Variants in NARF observed in about 807,000 individuals in gnomAD.
NARF encodes the protein iron-only hydrogenase-like protein 2.
A neutral mutation model predicts 48.0 loss-of-function variants in NARF; 41 were observed. That is an observed-to-expected ratio of 0.85 (90% confidence interval 0.66 to 1.11). The LOEUF (loss-of-function observed/expected upper bound fraction) is 1.11. Ranked by LOEUF, NARF falls within the 50% of genes least tolerant of loss-of-function variation. NARF has a pLI of 0.00. For synonymous variants in NARF, 215 were observed against 225.5 expected, an observed-to-expected ratio of 0.95 and a Z score of 0.42; for missense variants, 613 against 590.2, an observed-to-expected ratio of 1.04 and a Z score of -0.40.
intron 3 of NARF, chr17:82,468,494 C>T (rs922066364): frequency 5.1e-6 from 2 of 395,622 alleles, no homozygotes; most frequent in Admixed American, 4.3e-5. Context: ...TCCTGTGTAG[C>T]TGGAACTGTA....
In NARF at chr17:82,488,781, G is replaced by C. The variant is rs1347168753; in HGVS notation, c.*624G>C. 6.5e-6 allele frequency: 1 copy of C among 152,798 alleles called. No individual in the cohort carries two copies. The highest frequency in any genetic ancestry group is 2.4e-5 in the African/African-American group (1 of 41,414). 9.5% of individuals were successfully genotyped at this position (152,798 alleles called of 1,614,324 possible). ...AATGGAGACAGACTACTGTATTTTA[G>C]GTTTAAAAAGAAAAATCCAGAAAGT... On this transcript the variant is annotated 3_prime_UTR_variant, in exon 11 of 11. Coordinates refer to ENST00000309794, the MANE Select transcript of NARF (RefSeq NM_012336.4).
In NARF at chr17:82,472,715, C is replaced by A; in HGVS notation, c.520+17C>A. 1 of 1,605,284 alleles carries A rather than the reference C, an allele frequency of 6.2e-7. No homozygotes were observed. Among genetic ancestry groups the A allele is most frequent in the Non-Finnish European group, 8.5e-7 (1 of 1,177,022 alleles). ...CCTGTCCTGGTGAGCCCCTGGACCCCCGCTCTGTTGGCCTGAGGTGCCAAA... is the reference window on the plus strand; with the variant it reads ...CCTGTCCTGGTGAGCCCCTGGACCCACGCTCTGTTGGCCTGAGGTGCCAAA... On this transcript the variant is annotated intron_variant, in intron 5 of 10. Transcript: ENST00000309794.
rs1164079598 is a variant in NARF, at chr17:82,489,648, T to C, written c.*1491T>C. Reference sequence around the variant, plus strand: ...CATCCACTCGCCATGAAGCCCTCTGTGCTCAGGGTGATGGAGCCCCCTCCA... The same window carrying C: ...CATCCACTCGCCATGAAGCCCTCTGCGCTCAGGGTGATGGAGCCCCCTCCA... On this transcript the variant is annotated 3_prime_UTR_variant, in exon 11 of 11. Coordinates refer to ENST00000309794, the MANE Select transcript of NARF (RefSeq NM_012336.4). 6.6e-6 allele frequency: 1 copy of C among 152,274 alleles called. No individual in the cohort carries two copies. Among genetic ancestry groups the C allele is most frequent in the Non-Finnish European group, 1.5e-5 (1 of 68,098 alleles). 9.4% of individuals were successfully genotyped at this position (152,274 alleles called of 1,614,324 possible). A position where few individuals can be genotyped will look rare whatever the true frequency, so the allele number is the denominator to read the frequency against.
Position 82,461,962 on chromosome 17 carries a change from C to A in NARF, c.108+1890C>A, listed in dbSNP as rs958027133. 7.9e-5 allele frequency among the ~76,000 whole-genome samples: 12 copies of A among 152,234 alleles called. No individual in the cohort carries two copies. In the East Asian group the frequency reaches 1.7e-3, roughly 22 times the overall value. On this transcript the variant is annotated intron_variant, in intron 2 of 10. Transcript: ENST00000309794. ...AGAAGAGAGGTAGGGTGCATTGGAGCCCTGGAGGCAGCTGGGGCCAGTGCG... is the reference window on the plus strand; with the variant it reads ...AGAAGAGAGGTAGGGTGCATTGGAGACCTGGAGGCAGCTGGGGCCAGTGCG...
At position 82,458,760 on chromosome 17, in the gene NARF, T is replaced by G. The variant is rs765281993; in HGVS notation, c.-44T>G. 1 of 1,476,478 alleles carries G rather than the reference T, an allele frequency of 6.8e-7. No homozygotes were observed. Among genetic ancestry groups the G allele is most frequent in the Non-Finnish European group, 8.9e-7 (1 of 1,119,348 alleles). 91.5% of individuals were successfully genotyped at this position (1,476,478 alleles called of 1,614,324 possible). A position where few individuals can be genotyped will look rare whatever the true frequency, so the allele number is the denominator to read the frequency against. On this transcript the variant is annotated 5_prime_UTR_variant, in exon 1 of 11. Transcript: ENST00000309794. ...AGTGGTGTCCCAGTCTCCCGGTGCTTCCCTGAGGCTGAGGCGCCCGGCCTC... is the reference window on the plus strand; with the variant it reads ...AGTGGTGTCCCAGTCTCCCGGTGCTGCCCTGAGGCTGAGGCGCCCGGCCTC...
chr17:82,480,297 A>G (rs1484654870), intron 6 of NARF: 2 of 398,878 alleles, frequency 5.0e-6, no homozygotes, highest in Non-Finnish European at 4.4e-6. Flanking sequence ...GCGCACACAC[A>G]CACACACACA....
chr17:82,477,758 C>T (rs2043866460), intron 5 of NARF: 1 of 152,252 alleles, frequency 6.6e-6, no homozygotes. Flanking sequence ...AAGTGATCCG[C>T]CTGCCTCACA....
chr17:82,485,037 C>CTATG, intron 9 of NARF, 87 bp downstream of exon 9: 2 of 1,438,674 alleles, frequency 1.4e-6, no homozygotes, highest in Non-Finnish European at 1.8e-6. Context: ...TGTGGCGGTT[C>CTATG]TATGGATGGA....
chr17:82,482,313 G>T (rs1302602021), intron 7 of NARF: 3 of 365,614 alleles, frequency 8.2e-6, no homozygotes, highest in Non-Finnish European at 1.6e-5. Context: ...TCCCTGTGGG[G>T]TGATGTGGCA....
intron 7 of NARF, chr17:82,482,539 A>G (rs1005986307): frequency 6.7e-6 from 1 of 148,366 alleles, no homozygotes; most frequent in Non-Finnish European, 1.4e-5. Flanking sequence ...ACAGCATCTA[A>G]TGTGATGCCA....
chr17:82,483,699 A>T lies in NARF; in HGVS notation c.770-17A>T, dbSNP rs1360734885. The T allele has an allele frequency of 1.2e-6, 2 of 1,613,574 alleles. No individual in the cohort carries two copies. Among genetic ancestry groups the T allele is most frequent in the East Asian group, 2.2e-5 (1 of 44,882 alleles). ...GCCACCTGTGTCTTTTCAGTGTCTT[A>T]CTTCGTTTGTCTGCAGGTGAAATTG... On this transcript the variant is annotated splice_polypyrimidine_tract_variant and intron_variant, in intron 7 of 10. Transcript: ENST00000309794.
At position 82,481,018 on chromosome 17, in the gene NARF, G is replaced by A; in HGVS notation, c.640-64G>A. The A allele has an allele frequency of 1.9e-6, 3 of 1,607,084 alleles. No individual in the cohort carries two copies. The East Asian group carries it at 6.7e-5, about 36-fold the overall frequency. ...CGGTCTCCCATCCCTCTTGTTCTGGGCACCAAGCGTAAGCTGCCGTCACCT... is the reference window on the plus strand; with the variant it reads ...CGGTCTCCCATCCCTCTTGTTCTGGACACCAAGCGTAAGCTGCCGTCACCT... On this transcript the variant is annotated intron_variant, in intron 6 of 10. Transcript: ENST00000309794.
At chr17:82,485,760 C>A in intron 10 of NARF, 106 bp downstream of exon 10, 1 of 1,346,412 alleles carries the variant, frequency 7.4e-7, no homozygotes, top group South Asian at 1.4e-5. Context: ...CAGAGCCTCT[C>A]TCAGCCCTGA....
chr17:82,466,800 C>T (rs868124165), intron 3 of NARF, among the ~76,000 whole-genome samples: 5 of 152,128 alleles, frequency 3.3e-5, no homozygotes, highest in African/African-American at 9.7e-5. Context: ...CCAGCATCTT[C>T]TGTTCTTCCC....
At chr17:82,477,114 T>C (rs1472331539) in intron 5 of NARF, 5 of 152,190 alleles carry the variant, frequency 3.3e-5, no homozygotes, top group Admixed American at 3.3e-4. Flanking sequence ...AGCTTCAACC[T>C]CTTGGGCTCA....
At chr17:82,459,820 G>A (rs2043388708) in intron 1 of NARF, among the ~76,000 whole-genome samples, 172 bp from the exon 2 acceptor site, 1 of 152,128 alleles carries the variant, frequency 6.6e-6, no homozygotes, top group Non-Finnish European at 1.5e-5. Flanking sequence ...AGTGAGCCGA[G>A]ATTGCGCCCC....
intron 10 of NARF, among the ~76,000 whole-genome samples, chr17:82,486,255 G>A (rs986417681): frequency 6.6e-6 from 1 of 152,180 alleles, no homozygotes; most frequent in Non-Finnish European, 1.5e-5. Context: ...GTGTGTCAGG[G>A]AAGAAGGGGA....
intron 3 of NARF, among the ~76,000 whole-genome samples, chr17:82,468,004 T>C (rs1391942893): frequency 1.3e-5 from 2 of 152,226 alleles, no homozygotes; most frequent in Non-Finnish European, 2.9e-5. Context: ...AGATCTGTAG[T>C]CTTGTCTCTT....
intron 4 of NARF, among the ~76,000 whole-genome samples, chr17:82,470,619 C>T (rs528241708): frequency 7.9e-5 from 12 of 152,102 alleles, no homozygotes; most frequent in East Asian, 5.9e-4. Flanking sequence ...CTCAGCCTCC[C>T]GAGTGGCTGG....
Sources: allele counts gnomAD v4.1 joint callset (sites outside exome capture counted in the v4.1 genomes callset), GRCh38; gene constraint gnomAD v4.1.1; transcripts MANE v1.5; gene names NCBI Gene and HGNC (gene_info 2026-07-23, HGNC 2026-07-21).